HLCS: variants seen among roughly 807,000 people sequenced by gnomAD.
The protein encoded by HLCS is holocarboxylase synthetase.
A neutral mutation model predicts 75.0 loss-of-function variants in HLCS; 53 were observed. The ratio of observed to expected loss-of-function variants is 0.71; its 90% confidence interval spans 0.57 to 0.89. HLCS has a LOEUF of 0.89. HLCS is among the 40% of genes least tolerant of loss of function. The probability of loss-of-function intolerance (pLI) is 0.00; values close to 1 mark genes in which losing one functional copy is unlikely to be tolerated. For missense variants in HLCS, 966 were observed against 1,074.0 expected (o/e 0.90, Z 1.41); for synonymous variants, 431 against 428.6 (o/e 1.01, Z -0.07).
At chr21:36,838,036 C>T (rs751061251) in intron 6 of HLCS, among the ~76,000 whole-genome samples, 4 of 152,012 alleles carry the variant, frequency 2.6e-5, no homozygotes, top group South Asian at 2.1e-4. Flanking sequence ...ATTTTTAAGC[C>T]GGATAATATT....
At chr21:36,787,623 G>A (rs371889189) in intron 6 of HLCS, among the ~76,000 whole-genome samples, 2 of 152,098 alleles carry the variant, frequency 1.3e-5, no homozygotes, top group East Asian at 1.9e-4. Context: ...GCTCCTTTGC[G>A]GTCTTTCTAG....
At chr21:36,946,853 C>T (rs1047028564) in intron 2 of HLCS, among the ~76,000 whole-genome samples, 2 of 152,164 alleles carry the variant, frequency 1.3e-5, no homozygotes, top group Non-Finnish European at 2.9e-5. Flanking sequence ...GTCAGGCCCA[C>T]CCAATGTTTC....
Position 36,912,052 on chromosome 21 carries a change from C to T in HLCS, c.1621-14921G>A, listed in dbSNP as rs1267772851. 3.5e-5 allele frequency among the ~76,000 whole-genome samples: 4 copies of T among 114,566 alleles called. No homozygotes were observed. In the Admixed American group the frequency reaches 4.1e-4, roughly 12 times the overall value. The allele number at this position is 114,566 out of a possible 152,430, so 75.2% of individuals were successfully genotyped here. On this transcript the variant is annotated intron_variant, in intron 5 of 10. Transcript: ENST00000674895. The stretch of plus-strand genomic sequence containing the variant: ...TGCCATTGCACTCCAGCCTGGGCAA[C>T]AAGAGCAAAACTCCGTCTCAAAAAA...
intron 6 of HLCS, among the ~76,000 whole-genome samples, chr21:36,781,140 T>C (rs903422143): frequency 3.3e-5 from 5 of 151,892 alleles, no homozygotes; most frequent in African/African-American, 9.7e-5. Context: ...CTAGGTTGCA[T>C]ACTCCTTATG....
rs557463444 is a variant in HLCS at position 36,912,776 on chromosome 21, C to T, written c.1621-15645G>A. Among the ~76,000 whole-genome samples, 32 of 152,214 alleles carry T rather than the reference C, an allele frequency of 2.1e-4. No homozygotes were observed. In the Middle Eastern group the frequency reaches 0.01, roughly 49 times the overall value. ...ATTAGCCACCCCCCCCAACCCCTGC[C>T]ATCAATTAGCCCTGCAGACCAGGGG... On this transcript the variant is annotated intron_variant, in intron 5 of 10. Coordinates refer to ENST00000674895, the MANE Select transcript of HLCS (RefSeq NM_001352514.2).
At chr21:36,814,545 T>C (rs2061604186) in intron 6 of HLCS, among the ~76,000 whole-genome samples, 1 of 152,170 alleles carries the variant, frequency 6.6e-6, no homozygotes, top group African/African-American at 2.4e-5. Flanking sequence ...ACATTCATAA[T>C]ATGGGGAATG....
intron 2 of HLCS, among the ~76,000 whole-genome samples, chr21:36,939,711 A>G (rs896949418): frequency 2.0e-5 from 3 of 152,140 alleles, no homozygotes; most frequent in African/African-American, 7.2e-5. Context: ...TGGGGCCTGG[A>G]ACACCCATGC....
intron 5 of HLCS, among the ~76,000 whole-genome samples, chr21:36,923,647 G>T (rs191399864): frequency 7.9e-5 from 12 of 152,328 alleles, no homozygotes; most frequent in Admixed American, 2.6e-4. Flanking sequence ...CTGCTTTGAG[G>T]CACACTTGTG....
intron 5 of HLCS, among the ~76,000 whole-genome samples, chr21:36,902,724 C>T (rs891366031): frequency 2.0e-5 from 3 of 152,080 alleles, no homozygotes; most frequent in African/African-American, 4.8e-5. Context: ...AATGAGAAGA[C>T]GAATGCAGTG....
chr21:36,796,839 A>C (rs1483272018), intron 6 of HLCS, among the ~76,000 whole-genome samples: 1 of 151,724 alleles, frequency 6.6e-6, no homozygotes, highest in Non-Finnish European at 1.5e-5. Context: ...TAAATCCACA[A>C]GTTTATTAAA....
At chr21:36,808,280 T>C (rs1417131945) in intron 6 of HLCS, among the ~76,000 whole-genome samples, 1 of 152,234 alleles carries the variant, frequency 6.6e-6, no homozygotes, top group Non-Finnish European at 1.5e-5. Flanking sequence ...CAAGGTTAAA[T>C]GGTTACTGAA....
At chr21:36,766,352 T>C (rs542239942) in intron 7 of HLCS, among the ~76,000 whole-genome samples, 28 of 152,060 alleles carry the variant, frequency 1.8e-4, no homozygotes, top group African/African-American at 6.3e-4. Flanking sequence ...GTTAGAAAAA[T>C]AGAAGAATCC....
chr21:36,970,608 A>C (rs570486354), upstream of HLCS, among the ~76,000 whole-genome samples: 9 of 152,068 alleles, frequency 5.9e-5, no homozygotes, highest in Non-Finnish European at 8.8e-5. Context: ...GATTCAAGCA[A>C]TCTACCCGCC....
At chr21:36,782,643 C>T (rs2060568492) in intron 6 of HLCS, among the ~76,000 whole-genome samples, 1 of 152,110 alleles carries the variant, frequency 6.6e-6, no homozygotes, top group Non-Finnish European at 1.5e-5. Context: ...AAGGAAAACA[C>T]TTTAAGACTC....
intron 6 of HLCS, among the ~76,000 whole-genome samples, chr21:36,779,524 T>C (rs1297665195): frequency 1.3e-5 from 2 of 152,180 alleles, no homozygotes; most frequent in African/African-American, 4.8e-5. Context: ...GCTTGCATTA[T>C]CTACACTATT....
intron 6 of HLCS, among the ~76,000 whole-genome samples, chr21:36,880,408 T>C (rs1299390343): frequency 6.6e-6 from 1 of 152,062 alleles, no homozygotes; most frequent in Non-Finnish European, 1.5e-5. Context: ...CAAAAACAAA[T>C]TCTAAAAGTA....
intron 3 of HLCS, 22 bp from the exon 4 acceptor site, chr21:36,937,414 G>T: frequency 6.3e-7 from 1 of 1,590,440 alleles, no homozygotes; most frequent in Non-Finnish European, 8.6e-7. Context: ...ATAGGAGAGA[G>T]AGACAGAAAA....
chr21:36,801,300 T>TAG (rs2061193343), intron 6 of HLCS, among the ~76,000 whole-genome samples: 1 of 152,196 alleles, frequency 6.6e-6, no homozygotes, highest in East Asian at 1.9e-4. Context: ...TTGATTTTAG[T>TAG]AGTTGCCTCT....
chr21:36,871,172 T>C (rs1447947888), intron 6 of HLCS, among the ~76,000 whole-genome samples: 1 of 152,198 alleles, frequency 6.6e-6, no homozygotes, highest in African/African-American at 2.4e-5. Flanking sequence ...GAAAACTTTA[T>C]GTGCATACAA....
Sources: allele counts gnomAD v4.1 joint callset (sites outside exome capture counted in the v4.1 genomes callset), GRCh38; gene constraint gnomAD v4.1.1; transcripts MANE v1.5; gene names NCBI Gene and HGNC (gene_info 2026-07-23, HGNC 2026-07-21).